The following NALCN variants were observed in gnomAD, a reference collection of about 807,000 sequenced individuals.
The protein encoded by NALCN is sodium leak channel, non-selective.
Under a neutral mutation model 225.3 loss-of-function variants are expected in NALCN, and 111 were observed. That is an observed-to-expected ratio of 0.49 (90% CI 0.42 to 0.58). The LOEUF (loss-of-function observed/expected upper bound fraction) is 0.58. Ranked by LOEUF, NALCN falls within the 20% of genes least tolerant of loss-of-function variation. The pLI is 0.00. For missense variants in NALCN, 1,378 were observed against 2,202.4 expected (o/e 0.63, Z 7.49); for synonymous variants, 764 against 769.0 (o/e 0.99, Z 0.11).
At chr13:101,297,796 G>A (rs750498848) in intron 7 of NALCN, among the ~76,000 whole-genome samples, 3 of 152,162 alleles carry the variant, frequency 2.0e-5, no homozygotes, top group African/African-American at 4.8e-5. Flanking sequence ...TTCATTTACT[G>A]TCTGGGAATA....
rs553579740 is a variant in NALCN at position 101,363,808 on chromosome 13, AG to A, written c.644+12891del. Among the ~76,000 whole-genome samples, 37 of 152,222 alleles carry A rather than the reference AG, an allele frequency of 2.4e-4. No individual in the cohort carries two copies. In the South Asian group the frequency reaches 7.0e-3, roughly 29 times the overall value. On this transcript the variant is annotated intron_variant, in intron 6 of 43. Transcript: ENST00000251127. ...AATTGAAGTGACAGCCCACAGAATA[AG>A]GGAAAATGTCTGCAAATGATTCAAC... is the stretch of plus-strand genomic sequence containing the variant.
intron 7 of NALCN, among the ~76,000 whole-genome samples, chr13:101,326,186 A>T (rs2139213771): frequency 6.6e-6 from 1 of 152,328 alleles, no homozygotes; most frequent in South Asian, 2.1e-4. Flanking sequence ...TAAGGTAGGT[A>T]ATCAACTTAT....
At chr13:101,342,440 C>G (rs2045586185) in intron 7 of NALCN, among the ~76,000 whole-genome samples, 1 of 152,232 alleles carries the variant, frequency 6.6e-6, no homozygotes, top group Non-Finnish European at 1.5e-5. Context: ...TCCCCACCAA[C>G]TGCCTGCAGA....
chr13:101,161,222 A>G (rs2038168055), intron 15 of NALCN, among the ~76,000 whole-genome samples: 1 of 152,192 alleles, frequency 6.6e-6, no homozygotes, highest in South Asian at 2.1e-4. Flanking sequence ...GTCCACATTT[A>G]TATCTCTAGG....
chr13:101,105,527 C>T (rs1197223654), intron 22 of NALCN, among the ~76,000 whole-genome samples: 3 of 151,798 alleles, frequency 2.0e-5, no homozygotes, highest in African/African-American at 4.8e-5. Flanking sequence ...CAATTGTATT[C>T]AACATCAGCT....
At chr13:101,062,574 C>T (rs1417948900) in intron 40 of NALCN, among the ~76,000 whole-genome samples, 5 of 151,962 alleles carry the variant, frequency 3.3e-5, no homozygotes, top group Admixed American at 3.3e-4. Flanking sequence ...CTGTTTCTCT[C>T]ATTCATCCTT....
chr13:101,281,608 A>G (rs2043171144), intron 10 of NALCN, among the ~76,000 whole-genome samples: 1 of 152,218 alleles, frequency 6.6e-6, no homozygotes. Flanking sequence ...ATCAATATTC[A>G]TTGTAAGCTT....
chr13:101,255,592 T>G (rs1486532666), intron 11 of NALCN, among the ~76,000 whole-genome samples: 1 of 152,228 alleles, frequency 6.6e-6, no homozygotes, highest in Non-Finnish European at 1.5e-5. Flanking sequence ...TCCTGGCATT[T>G]TTGCCAGCAA....
At chr13:101,378,972 G>T (rs1040012038) in intron 3 of NALCN, among the ~76,000 whole-genome samples, 7 of 151,984 alleles carry the variant, frequency 4.6e-5, no homozygotes, top group African/African-American at 9.7e-5. Context: ...TGCTATGTAG[G>T]TCCTAAGCCA....
chr13:101,179,920 C>T (rs146385646), intron 14 of NALCN, among the ~76,000 whole-genome samples: 12 of 152,236 alleles, frequency 7.9e-5, no homozygotes, highest in African/African-American at 1.2e-4. Flanking sequence ...TCCTCTGTCC[C>T]TCGGCTTGTG....
intron 12 of NALCN, among the ~76,000 whole-genome samples, chr13:101,235,532 A>C (rs1235926870): frequency 2.6e-5 from 4 of 152,200 alleles, no homozygotes; most frequent in African/African-American, 9.6e-5. Flanking sequence ...GTGAATCTAG[A>C]GAGCAGTGCA....
At chr13:101,384,878 C>T (rs1418439492) in intron 3 of NALCN, among the ~76,000 whole-genome samples, 1 of 152,190 alleles carries the variant, frequency 6.6e-6, no homozygotes, top group African/African-American at 2.4e-5. Flanking sequence ...AGATGGAAAA[C>T]ACTTAAAACA....
At chr13:101,101,969 T>A (rs2034845960) in intron 26 of NALCN, among the ~76,000 whole-genome samples, 2 of 152,132 alleles carry the variant, frequency 1.3e-5, no homozygotes, top group African/African-American at 4.8e-5. Context: ...GTGTGAAGAG[T>A]CACTGTTTTA....
At chr13:101,058,364 A>T in intron 42 of NALCN, 1 of 205,804 alleles carries the variant, frequency 4.9e-6, no homozygotes, top group Non-Finnish European at 9.8e-6. Flanking sequence ...CTGGCAAACC[A>T]GGGGGTAAGG....
chr13:101,209,896 T>C (rs1194138720), intron 13 of NALCN, among the ~76,000 whole-genome samples: 1 of 152,208 alleles, frequency 6.6e-6, no homozygotes, highest in Non-Finnish European at 1.5e-5. Flanking sequence ...TTTGCAGAGT[T>C]CTCACAGGAA....
chr13:101,244,322 T>A (rs567002072), intron 11 of NALCN, among the ~76,000 whole-genome samples: 235 of 152,324 alleles, frequency 1.5e-3, no homozygotes, highest in African/African-American at 5.3e-3. Flanking sequence ...AAAGGACAGA[T>A]GGAATGAACT....
intron 13 of NALCN, among the ~76,000 whole-genome samples, chr13:101,222,141 T>A (rs1239116898): frequency 6.6e-6 from 1 of 152,164 alleles, no homozygotes; most frequent in East Asian, 1.9e-4. Context: ...AGTGGCATAT[T>A]TTTCAAAACA....
intron 13 of NALCN, among the ~76,000 whole-genome samples, chr13:101,210,193 T>G (rs1045530655): frequency 1.3e-5 from 2 of 152,188 alleles, no homozygotes; most frequent in Admixed American, 6.5e-5. Flanking sequence ...CACCCCCATC[T>G]GCATGCACAT....
At position 101,288,743 on chromosome 13, in the gene NALCN, T is replaced by C. The variant is rs916134533; in HGVS notation, c.1047+3247A>G. Among the ~76,000 whole-genome samples the C allele has an allele frequency of 3.3e-5, 5 of 152,374 alleles. No individual in the cohort carries two copies. In the South Asian group the frequency reaches 6.2e-4, roughly 19 times the overall value. Reference sequence around the variant, plus strand: ...CCTTCAATATGATCCTATTGGATTATGATTCATTTATAAAAGTTAGATATG... The same window carrying C: ...CCTTCAATATGATCCTATTGGATTACGATTCATTTATAAAAGTTAGATATG... On this transcript the variant is annotated intron_variant, in intron 9 of 43. Transcript: ENST00000251127.
Sources: allele counts gnomAD v4.1 joint callset (sites outside exome capture counted in the v4.1 genomes callset), GRCh38; gene constraint gnomAD v4.1.1; transcripts MANE v1.5; gene names NCBI Gene and HGNC (gene_info 2026-07-23, HGNC 2026-07-21).